Variants in BLTP1 observed in about 807,000 individuals in gnomAD.
BLTP1 encodes the protein bridge-like lipid transfer protein family member 1.
chr4:122,341,952 T>C, the BLTP1 span: 1 of 425,076 alleles, frequency 2.4e-6, no homozygotes, highest in African/African-American at 2.2e-5. Flanking sequence ...TTGTCAACTC[T>C]GAATAACAAA....
chr4:122,357,885 C>T, the BLTP1 span, among the ~76,000 whole-genome samples: 360 of 152,168 alleles, frequency 2.4e-3, no homozygotes, highest in Admixed American at 6.0e-3. Context: ...GATTATCAAA[C>T]GACCATGTTG....
At chr4:122,215,372 G>T in the BLTP1 span, 7 of 983,218 alleles carry the variant, frequency 7.1e-6, no homozygotes, top group Non-Finnish European at 8.5e-6. Flanking sequence ...AAAAATAAGA[G>T]ATCTGTTGGC....
At chr4:122,308,224 G>A in the BLTP1 span, 1 of 1,537,076 alleles carries the variant, frequency 6.5e-7, no homozygotes, top group Non-Finnish European at 8.9e-7. Context: ...CCATTTCTAA[G>A]TATTTAGAAT....
At chr4:122,316,634 T>C in the BLTP1 span, 3 of 1,469,104 alleles carry the variant, frequency 2.0e-6, no homozygotes, top group South Asian at 3.7e-5. Context: ...ATGGTTTTGA[T>C]TCTTGCATGC....
At chr4:122,223,623 G>T in the BLTP1 span, among the ~76,000 whole-genome samples, 1 of 152,164 alleles carries the variant, frequency 6.6e-6, no homozygotes. Flanking sequence ...GCATTTAATG[G>T]TCTGGAGGCA....
At chr4:122,357,342 T>A in the BLTP1 span, among the ~76,000 whole-genome samples, 7 of 152,094 alleles carry the variant, frequency 4.6e-5, no homozygotes, top group African/African-American at 1.2e-4. Context: ...GAGGATGGAC[T>A]GCTTGAGCCC....
the BLTP1 span, among the ~76,000 whole-genome samples, chr4:122,310,364 A>G: frequency 9.2e-5 from 14 of 152,102 alleles, no homozygotes; most frequent in Admixed American, 5.2e-4. Context: ...GGCTTGTGTA[A>G]TAAAAGACCA....
the BLTP1 span, chr4:122,298,639 T>TTACTTCTGTTTTGAACATTA: frequency 4.2e-6 from 2 of 472,962 alleles, no homozygotes; most frequent in Non-Finnish European, 2.8e-6. Context: ...AAAATTTTAC[T>TTACTTCTGTTTTGAACATTA]TACTTCTGTT....
At chr4:122,330,956 A>G in the BLTP1 span, 4 of 970,706 alleles carry the variant, frequency 4.1e-6, no homozygotes, top group African/African-American at 7.0e-5. Context: ...GTTAAAGATC[A>G]CATGGCATTA....
chr4:122,251,500 T>A, the BLTP1 span: 1 of 951,836 alleles, frequency 1.1e-6, no homozygotes, highest in South Asian at 4.9e-5. Context: ...AGTTTTATTT[T>A]GGTGTCTTTG....
At chr4:122,318,280 C>G in the BLTP1 span, 1 of 1,606,492 alleles carries the variant, frequency 6.2e-7, no homozygotes, top group Admixed American at 1.7e-5. Context: ...GGTGAGTTCT[C>G]TTTTTTCTTT....
chr4:122,343,265 A>T, the BLTP1 span: 1 of 1,072,526 alleles, frequency 9.3e-7, no homozygotes, highest in Non-Finnish European at 1.3e-6. Context: ...TTAAGGATTT[A>T]AATCTATTGA....
At chr4:122,237,362 A>G in the BLTP1 span, 3 of 985,296 alleles carry the variant, frequency 3.0e-6, no homozygotes, top group South Asian at 1.4e-4. Flanking sequence ...CTTCACTCTG[A>G]TCCTAAAGTC....
At chr4:122,248,540 G>T in the BLTP1 span, among the ~76,000 whole-genome samples, 1 of 151,928 alleles carries the variant, frequency 6.6e-6, no homozygotes, top group African/African-American at 2.4e-5. Flanking sequence ...TTTTCATTGC[G>T]TACTTTTTCA....
chr4:122,279,736 G>C, the BLTP1 span: 3 of 1,579,518 alleles, frequency 1.9e-6, no homozygotes, highest in Non-Finnish European at 2.6e-6. Flanking sequence ...TTACTTGGCT[G>C]TTGGCTGTAT....
the BLTP1 span, among the ~76,000 whole-genome samples, chr4:122,282,514 C>T: frequency 6.6e-6 from 1 of 152,066 alleles, no homozygotes; most frequent in Non-Finnish European, 1.5e-5. Context: ...TGATGGCAGG[C>T]ACCTGTAATC....
At chr4:122,297,405 C>T in the BLTP1 span, among the ~76,000 whole-genome samples, 1 of 152,144 alleles carries the variant, frequency 6.6e-6, no homozygotes, top group African/African-American at 2.4e-5. Context: ...CAAGAAACAA[C>T]AGATGCTGGC....
the BLTP1 span, chr4:122,152,881 G>C: frequency 1.8e-6 from 1 of 548,570 alleles, no homozygotes; most frequent in South Asian, 7.9e-5. Context: ...GTGTGGACTC[G>C]GCAGGAAGGA....
chr4:122,361,476 A>G, the BLTP1 span, among the ~76,000 whole-genome samples: 1 of 152,192 alleles, frequency 6.6e-6, no homozygotes, highest in African/African-American at 2.4e-5. Context: ...ACTAAAATGA[A>G]GGGCTCCATG....
Sources: gnomAD v4.1 joint callset for allele counts (sites outside exome capture counted in the v4.1 genomes callset) on GRCh38, gnomAD v4.1.1 for gene constraint, MANE v1.5 for transcripts, NCBI Gene and HGNC (gene_info 2026-07-23, HGNC 2026-07-21) for gene names.